Variants in USP42 observed in about 807,000 individuals in gnomAD.
USP42 encodes the protein ubiquitin specific peptidase 42.
Under a neutral mutation model 113.0 loss-of-function variants are expected in USP42, and 23 were observed. The ratio of observed to expected loss-of-function variants is 0.20; its 90% CI spans 0.15 to 0.29. The LOEUF (loss-of-function observed/expected upper bound fraction) is 0.29. Ranked by LOEUF, USP42 falls within the 10% of genes least tolerant of loss-of-function variation. USP42 has a pLI of 1.00. For synonymous variants in USP42, 933 were observed against 699.0 expected (o/e 1.33, Z -5.28); for missense variants, 2,174 against 1,779.8 (o/e 1.22, Z -3.99).
Position 6,159,552 on chromosome 7 carries a change from C to T in USP42, c.*36+59C>T, listed in dbSNP as rs1407124241. 1 of 1,536,638 alleles carries T rather than the reference C, an allele frequency of 6.5e-7. No individual in the cohort carries two copies. Among genetic ancestry groups the T allele is most frequent in the Non-Finnish European group, 9.0e-7 (1 of 1,113,410 alleles). ...TGTGGTGGCGCTGAGGGGACGCAGG[C>T]AGAGGAGTTTTAATTCTGCGGCTCT... On this transcript the variant is annotated intron_variant, in intron 17 of 17. Coordinates refer to ENST00000306177, the MANE Select transcript of USP42 (RefSeq NM_032172.3). This position sits in a 1 kb window ranked among gnomAD's most constrained non-coding sequence, Gnocchi z 4.1.
intron 1 of USP42, 63 bp downstream of exon 1, chr7:6,105,095 C>A (rs1215187969): frequency 1.4e-5 from 2 of 147,502 alleles, no homozygotes; most frequent in South Asian, 1.8e-4. Flanking sequence ...GCGGCCCGCT[C>A]GCCTGGGCCG....
At chr7:6,134,031 C>T (rs576787993) in intron 3 of USP42, among the ~76,000 whole-genome samples, 1 of 151,890 alleles carries the variant, frequency 6.6e-6, no homozygotes, top group Admixed American at 6.6e-5. Flanking sequence ...GCTGGGACTA[C>T]AGGTGCCCAC....
At chr7:6,119,221 A>C (rs1780080515) in intron 3 of USP42, among the ~76,000 whole-genome samples, 1 of 152,100 alleles carries the variant, frequency 6.6e-6, no homozygotes, top group Non-Finnish European at 1.5e-5. Flanking sequence ...TCTCAAAAAA[A>C]AAGTTTTGGA....
At position 6,113,873 on chromosome 7, in the gene USP42, G is replaced by A. The variant is rs575949509; in HGVS notation, c.242-1450G>A. Among the ~76,000 whole-genome samples the A allele has an allele frequency of 4.0e-5, 6 of 150,994 alleles. No homozygotes were observed. The South Asian group carries it at 1.0e-3, about 26-fold the overall frequency. ...CCTGACCTTGTGATCCGCCCGCCTC[G>A]GCCTCCCAAAGTGCTGGGATTACAG... is the stretch of plus-strand genomic sequence containing the variant. On this transcript the variant is annotated intron_variant, in intron 2 of 17. Transcript: ENST00000306177.
Position 6,159,951 on chromosome 7 carries a change from AC to A in USP42, c.*36+465del, listed in dbSNP as rs891049215. Reference sequence around the variant, plus strand: ...GAGGTGGCACTGAGCTGGAGCCAGCACCCCCCCAGCAGCCACCGTACAAAAC... The same window carrying A: ...GAGGTGGCACTGAGCTGGAGCCAGCACCCCCCAGCAGCCACCGTACAAAAC... On this transcript the variant is annotated intron_variant, in intron 17 of 17. Transcript: ENST00000306177. The surrounding 1 kb of genome is among the most constrained non-coding windows in gnomAD (Gnocchi z 4.1). 4.6e-5 allele frequency among the ~76,000 whole-genome samples: 7 copies of A among 151,700 alleles called. No homozygotes were observed. Among genetic ancestry groups the A allele is most frequent in the East Asian group, 1.9e-4 (1 of 5,154 alleles).
the USP42 span, among the ~76,000 whole-genome samples, chr7:6,085,605 T>TAC: frequency 7.0e-6 from 1 of 142,272 alleles, no homozygotes; most frequent in Non-Finnish European, 1.5e-5. Flanking sequence ...TATATACAAA[T>TAC]ATATATATAT....
Position 6,111,207 on chromosome 7 carries a change from C to G in USP42, c.74C>G (p.Ala25Gly), listed in dbSNP as rs141397005. Residue 25 changes from alanine to glycine, a missense_variant, in exon 2 of 18, where the codon GCA becomes GGA. Transcript: ENST00000306177. ...CAGAATCAGCCTGGCAGCTCCGAGG[C>G]AGTCTCACCTGGAGACATGGATGCA... ...AYQNQPGSSEAVSPGDMDAGS... is the reference protein window; with the variant it reads ...AYQNQPGSSEGVSPGDMDAGS... 11 of 1,611,470 alleles carry G rather than the reference C, an allele frequency of 6.8e-6. No homozygotes were observed. The highest frequency in any genetic ancestry group is 1.3e-5 in the African/African-American group (1 of 75,054).
At chr7:6,140,796 A>T (rs2128505107) in intron 6 of USP42, 118 bp from the exon 7 acceptor site, 3 of 622,614 alleles carry the variant, frequency 4.8e-6, no homozygotes, top group Non-Finnish European at 8.4e-6. Flanking sequence ...TGTTCAATTG[A>T]TAGAAAAATT....
intron 7 of USP42, among the ~76,000 whole-genome samples, chr7:6,141,388 A>G (rs1781424074): frequency 1.3e-5 from 2 of 151,514 alleles, no homozygotes; most frequent in Non-Finnish European, 1.5e-5. Context: ...TATTTTTAGT[A>G]GAGATGGGGT....
chr7:6,125,333 AC>A (rs1160175907), intron 3 of USP42, among the ~76,000 whole-genome samples: 2 of 152,108 alleles, frequency 1.3e-5, no homozygotes, highest in East Asian at 3.9e-4. Flanking sequence ...TACTAAAAAT[AC>A]AAAAAATTAG....
chr7:6,084,856 C>G, the USP42 span, among the ~76,000 whole-genome samples: 2 of 150,106 alleles, frequency 1.3e-5, no homozygotes, highest in East Asian at 3.9e-4. Flanking sequence ...GTATCTGGAA[C>G]TACAGGTGTG....
chr7:6,109,241 CAAAAGA>C (rs1191010532), intron 1 of USP42, among the ~76,000 whole-genome samples: 1 of 150,492 alleles, frequency 6.6e-6, no homozygotes, highest in Non-Finnish European at 1.5e-5. Context: ...ACAGCAGGGA[CAAAAGA>C]AAAAAAAACA....
At chr7:6,096,719 G>T in the USP42 span, among the ~76,000 whole-genome samples, 42 of 151,204 alleles carry the variant, frequency 2.8e-4, 1 homozygote, top group African/African-American at 9.6e-4. Flanking sequence ...CTCCTTGTCT[G>T]CTTACAATGA....
intron 3 of USP42, among the ~76,000 whole-genome samples, chr7:6,124,874 C>T (rs1308047005): frequency 6.6e-6 from 1 of 151,960 alleles, no homozygotes; most frequent in Non-Finnish European, 1.5e-5. Context: ...TATCAGTTTA[C>T]CTTCAAATAA....
chr7:6,085,426 C>G, the USP42 span, among the ~76,000 whole-genome samples: 1 of 147,660 alleles, frequency 6.8e-6, no homozygotes, highest in African/African-American at 2.6e-5. Context: ...TGCCCGGCCA[C>G]CATCCCCTTT....
intron 7 of USP42, 26 bp downstream of exon 7, chr7:6,141,010 T>C (rs900590864): frequency 3.3e-6 from 4 of 1,204,170 alleles, no homozygotes; most frequent in Non-Finnish European, 4.7e-6. Context: ...ATGGGAGTAA[T>C]TACATTTTTA....
intron 3 of USP42, among the ~76,000 whole-genome samples, chr7:6,124,971 A>C (rs1780446605): frequency 6.6e-6 from 1 of 151,292 alleles, no homozygotes; most frequent in African/African-American, 2.4e-5. Flanking sequence ...ACTTGTGGTC[A>C]GGAATTCGAG....
intron 3 of USP42, among the ~76,000 whole-genome samples, chr7:6,130,169 T>C (rs1364447748): frequency 6.6e-6 from 1 of 152,122 alleles, no homozygotes; most frequent in Non-Finnish European, 1.5e-5. Context: ...TTTGGTGTTA[T>C]CTTATAAGAC....
chr7:6,087,467 G>A, the USP42 span, among the ~76,000 whole-genome samples: 1 of 148,486 alleles, frequency 6.7e-6, no homozygotes, highest in Non-Finnish European at 1.5e-5. Context: ...CTCCTGAGTA[G>A]CTGGGACTAC....
Sources: gnomAD v4.1 joint callset for allele counts (sites outside exome capture counted in the v4.1 genomes callset) on GRCh38, gnomAD v4.1.1 for gene constraint, Gnocchi (gnomAD v3.1) non-coding constraint, MANE v1.5 for transcripts, NCBI Gene and HGNC (gene_info 2026-07-23, HGNC 2026-07-21) for gene names.